TFR2: variants seen among roughly 807,000 people sequenced by gnomAD.
TFR2 encodes the protein transferrin receptor 2.
Under a neutral mutation model 91.9 loss-of-function variants are expected in TFR2, and 64 were observed. That is an observed-to-expected ratio of 0.70 (90% confidence interval 0.57 to 0.86). The LOEUF is 0.86. Among genes scored for constraint, TFR2 ranks in the 40% least tolerant of loss-of-function variants. TFR2 has a pLI of 0.00. For missense variants in TFR2, 950 were observed against 1,080.5 expected, an observed-to-expected ratio of 0.88 and a Z score of 1.69; for synonymous variants, 454 against 459.6, an observed-to-expected ratio of 0.99 and a Z score of 0.15.
In TFR2 at chr7:100,633,383, CCCCGCGCGCCCCCCG is replaced by C. The variant is rs1562842263; in HGVS notation, c.614+18_614+32del. ...TGAGCGCCCCGAGCCGCGTCCCCCT[CCCCGCGCGCCCCCCG>C]CCCGCGCGCGCACTCACGGATCCGG... On this transcript the variant is annotated intron_variant, in intron 4 of 17. Coordinates refer to ENST00000223051, the MANE Select transcript of TFR2 (RefSeq NM_003227.4). 6.2e-7 allele frequency: 1 copy of C among 1,607,074 alleles called. No individual in the cohort carries two copies. The highest frequency in any genetic ancestry group is 1.1e-5 in the South Asian group (1 of 90,750).
At chr7:100,623,175 A>AG (rs1803152927) in intron 17 of TFR2, among the ~76,000 whole-genome samples, 1 of 152,128 alleles carries the variant, frequency 6.6e-6, no homozygotes, top group Non-Finnish European at 1.5e-5. Context: ...CAGAAGGCTG[A>AG]GGCAGGAGAA....
rs754313308 is a variant in TFR2, at chr7:100,633,408, G to T, written c.614+8C>A. 1.0e-4 allele frequency: 163 copies of T among 1,606,746 alleles called. No individual in the cohort carries two copies. Among genetic ancestry groups the T allele is most frequent in the Non-Finnish European group, 1.3e-4 (157 of 1,176,658 alleles). ...CCCCGCGCGCCCCCCGCCCGCGCGC[G>T]CACTCACGGATCCGGGAATTGCAGC... On this transcript the variant is annotated splice_region_variant and intron_variant, in intron 4 of 17. Coordinates refer to ENST00000223051, the MANE Select transcript of TFR2 (RefSeq NM_003227.4).
At chr7:100,631,480 G>A (rs551226529) in intron 8 of TFR2, 23 of 310,278 alleles carry the variant, frequency 7.4e-5, no homozygotes, top group South Asian at 2.0e-4. Flanking sequence ...AAAATTAGCC[G>A]GGCGTGGTGG....
chr7:100,626,926 G>C, intron 16 of TFR2, 23 bp from the exon 17 acceptor site: 1 of 1,530,842 alleles, frequency 6.5e-7, no homozygotes, highest in Non-Finnish European at 8.8e-7. Flanking sequence ...GGCGCGGGCT[G>C]GGGCTGGCGG....
intron 3 of TFR2, among the ~76,000 whole-genome samples, chr7:100,639,282 G>A (rs950852298): frequency 3.3e-5 from 5 of 152,054 alleles, no homozygotes; most frequent in African/African-American, 1.2e-4. Flanking sequence ...CATGAGAATC[G>A]CGTGAACCTG....
Position 100,627,365 on chromosome 7 carries a change from G to A in TFR2, c.1894C>T (p.Arg632Trp), listed in dbSNP as rs755561602. ...VAQLAGQLLI[R>W]LSHDRLLPLD... The stretch of plus-strand genomic sequence containing the variant: ...GGCAGCAGGCGATCGTGGCTGAGCC[G>A]GATGAGGAGCTGCCCTGCGAGCTGG... The change falls in exon 16 of 18, where the codon CGG (arginine) becomes TGG (tryptophan). Residue 632 changes from arginine to tryptophan, a missense_variant. Coordinates refer to ENST00000223051, the MANE Select transcript of TFR2 (RefSeq NM_003227.4). The A allele has an allele frequency of 9.7e-6, 15 of 1,553,612 alleles. No individual in the cohort carries two copies. The highest frequency in any genetic ancestry group is 1.3e-5 in the Non-Finnish European group (15 of 1,148,390).
At chr7:100,621,205 C>T in intron 17 of TFR2, 79 bp from the exon 18 acceptor site, 1 of 1,405,240 alleles carries the variant, frequency 7.1e-7, no homozygotes, top group Non-Finnish European at 9.4e-7. Context: ...TCCCGCCAGC[C>T]AGTCTTTTTG....
At chr7:100,638,849 G>A (rs1430829683) in intron 3 of TFR2, among the ~76,000 whole-genome samples, 3 of 152,048 alleles carry the variant, frequency 2.0e-5, no homozygotes, top group Non-Finnish European at 4.4e-5. Context: ...GGGTCCAGGA[G>A]TTGGAGGCTG....
At chr7:100,633,738 T>A in intron 3 of TFR2, 182 bp from the exon 4 acceptor site, 1 of 1,001,094 alleles carries the variant, frequency 1.0e-6, no homozygotes, top group Non-Finnish European at 1.3e-6. Context: ...AGACGGAGTG[T>A]CGCTCTGTCG....
At chr7:100,623,771 C>T (rs918204708) in intron 17 of TFR2, among the ~76,000 whole-genome samples, 12 of 150,878 alleles carry the variant, frequency 8.0e-5, no homozygotes, top group South Asian at 6.3e-4. Context: ...AACTCCCAGC[C>T]GGGCGCAGTA....
intron 17 of TFR2, among the ~76,000 whole-genome samples, chr7:100,623,975 G>GA (rs1284741837): frequency 2.0e-5 from 3 of 151,030 alleles, no homozygotes; most frequent in Non-Finnish European, 4.4e-5. Flanking sequence ...AGAATCACTT[G>GA]AACCCGACAG....
chr7:100,625,502 C>T (rs1386039417), intron 17 of TFR2, among the ~76,000 whole-genome samples: 3 of 152,120 alleles, frequency 2.0e-5, no homozygotes, highest in African/African-American at 7.2e-5. Context: ...TGAACCATAC[C>T]CAACCTATTG....
intron 16 of TFR2, 73 bp from the exon 17 acceptor site, chr7:100,626,976 C>G: frequency 6.7e-7 from 1 of 1,492,610 alleles, no homozygotes; most frequent in Non-Finnish European, 8.9e-7. Context: ...GACAAGGACC[C>G]CCGCCTAGCA....
rs1388444100 is a variant in TFR2, at chr7:100,640,756, G to GTC, written c.401_402dup (p.Leu135AspfsTer42). 6.2e-7 allele frequency: 1 copy of GTC among 1,614,010 alleles called. No individual in the cohort carries two copies. The highest frequency in any genetic ancestry group is 1.3e-5 in the African/African-American group (1 of 74,928). On this transcript the variant is annotated frameshift_variant, in exon 3 of 18. Coordinates refer to ENST00000223051, the MANE Select transcript of TFR2 (RefSeq NM_003227.4). LOFTEE classifies it high-confidence loss of function. ...ATGGCCTGGAGGTCGCTCCAGTAGA[G>GTC]TCTGCCCTGGTGGAAATCCAGGTCA...
chr7:100,634,286 T>A lies in TFR2; in HGVS notation c.474-730A>T, dbSNP rs555924946. Among the ~76,000 whole-genome samples, 7 of 150,176 alleles carry A rather than the reference T, an allele frequency of 4.7e-5. No homozygotes were observed. The East Asian group carries it at 1.2e-3, about 26-fold the overall frequency. ...CAGCAGACCCTCCTCATCTCCCCCATCCTCCACGTGGGCCTCATGGAGACA... is the reference window on the plus strand; with the variant it reads ...CAGCAGACCCTCCTCATCTCCCCCAACCTCCACGTGGGCCTCATGGAGACA... On this transcript the variant is annotated intron_variant, in intron 3 of 17. Transcript: ENST00000223051.
Position 100,633,034 on chromosome 7 carries a change from C to A in TFR2, c.816G>T (p.Leu272=), listed in dbSNP as rs1803493420. The A allele has an allele frequency of 6.2e-7, 1 of 1,613,644 alleles. No homozygotes were observed. The highest frequency in any genetic ancestry group is 1.3e-5 in the African/African-American group (1 of 74,924). Residue 272 remains leucine, a synonymous_variant, in exon 6 of 18, where the codon CTG becomes CTT. Transcript: ENST00000223051. ...RGVDPVGRLL[L]VRVGVISFAQ... is the part of the protein sequence containing the mutation. ...CGAAGCTGATCACCCCCACGCGCAC[C>A]AGCAGCAGGCGGCCCACTGGATCCA...
chr7:100,624,533 G>GT (rs1803201055), intron 17 of TFR2, among the ~76,000 whole-genome samples: 1 of 77,532 alleles, frequency 1.3e-5, no homozygotes, highest in Non-Finnish European at 2.4e-5. Context: ...TAGCCATAGA[G>GT]AGCGTGAAAA....
rs201483480 is a variant in TFR2 at position 100,628,319 on chromosome 7, G to T, written c.1391-13C>A. On this transcript the variant is annotated splice_polypyrimidine_tract_variant and intron_variant, in intron 10 of 17. Transcript: ENST00000223051. Reference sequence around the variant, plus strand: ...CGGGGCCGGAAGCCTGGGGACAGAGGGGAAGGAGGACAGGCTTAGCAGGGG... The same window carrying T: ...CGGGGCCGGAAGCCTGGGGACAGAGTGGAAGGAGGACAGGCTTAGCAGGGG... 2,307 of 1,613,878 alleles carry T rather than the reference G, an allele frequency of 1.4e-3. 30 individuals carry two copies. In the South Asian group the frequency reaches 0.02, roughly 14 times the overall value.
chr7:100,629,094 T>G (rs577262980), intron 10 of TFR2, among the ~76,000 whole-genome samples, 159 bp downstream of exon 10: 2 of 151,994 alleles, frequency 1.3e-5, no homozygotes, highest in African/African-American at 4.8e-5. Flanking sequence ...GAAATAGAGG[T>G]GAAGTGACTG....
Sources: gnomAD v4.1 joint callset for allele counts (sites outside exome capture counted in the v4.1 genomes callset) on GRCh38, gnomAD v4.1.1 for gene constraint, MANE v1.5 for transcripts, NCBI Gene and HGNC (gene_info 2026-07-23, HGNC 2026-07-21) for gene names.